OR51B5: variants seen among roughly 807,000 people sequenced by gnomAD.
The protein encoded by OR51B5 is olfactory receptor family 51 subfamily B member 5.
For synonymous variants in OR51B5, 186 were observed against 144.8 expected, an observed-to-expected ratio of 1.28 and a Z score of -2.04; for missense variants, 456 against 374.6, an observed-to-expected ratio of 1.22 and a Z score of -1.79.
chr11:5,450,083 G>A (rs1228670538), intron 1 of OR51B5, among the ~76,000 whole-genome samples: 2 of 152,070 alleles, frequency 1.3e-5, no homozygotes, highest in East Asian at 3.9e-4. Flanking sequence ...GGATCTCAGA[G>A]AATGTCCTTA....
At chr11:5,449,022 C>G (rs146900553) in intron 1 of OR51B5, among the ~76,000 whole-genome samples, 1,575 of 152,288 alleles carry the variant, frequency 0.01, 11 homozygotes, top group Non-Finnish European at 0.014. Context: ...AATTGATGGG[C>G]TTGGTCATCA....
intron 1 of OR51B5, among the ~76,000 whole-genome samples, chr11:5,369,323 G>A (rs1208481018): frequency 6.6e-6 from 1 of 152,076 alleles, no homozygotes; most frequent in Non-Finnish European, 1.5e-5. Flanking sequence ...ATTAATTAAA[G>A]TTATTATTAC....
intron 1 of OR51B5, chr11:5,389,570 C>G: frequency 5.0e-6 from 8 of 1,613,894 alleles, no homozygotes; most frequent in African/African-American, 1.3e-5. Flanking sequence ...TTGTTTCATT[C>G]TGATCATTAT....
chr11:5,371,542 A>T (rs57666779), intron 1 of OR51B5, among the ~76,000 whole-genome samples: 4,140 of 152,258 alleles, frequency 0.027, 174 homozygotes, highest in African/African-American at 0.093. Flanking sequence ...GGGTTACATA[A>T]GTTTTAAGAG....
At chr11:5,473,284 G>A (rs899940583) in intron 1 of OR51B5, among the ~76,000 whole-genome samples, 7 of 152,174 alleles carry the variant, frequency 4.6e-5, no homozygotes, top group Non-Finnish European at 7.4e-5. Context: ...AGTCTGAGGG[G>A]TGTTTGACTT....
rs1276221598 is a variant in OR51B5 at position 5,377,773 on chromosome 11, C to G, written n.85-30863G>C. Among the ~76,000 whole-genome samples, 23 of 139,830 alleles carry G rather than the reference C, an allele frequency of 1.6e-4. No individual in the cohort carries two copies. The East Asian group carries it at 4.3e-3, about 26-fold the overall frequency. The allele number at this position is 139,830 out of a possible 152,430, so 91.7% of individuals were successfully genotyped here. A position where few individuals can be genotyped will look rare whatever the true frequency, so the allele number is the denominator to read the frequency against. On this transcript the variant is annotated intron_variant and non_coding_transcript_variant, in intron 1 of 4. Coordinates refer to the OR51B5 transcript ENST00000415970. ...TTACAAGGGATGTGAAGGACCTCTT[C>G]AAGGAGAACTACAAACCACTGCTCA...
chr11:5,473,439 T>G (rs566033712), intron 1 of OR51B5, among the ~76,000 whole-genome samples: 9 of 152,210 alleles, frequency 5.9e-5, no homozygotes, highest in African/African-American at 1.7e-4. Flanking sequence ...TTTAAAGAGT[T>G]AGAAATTGTA....
At chr11:5,353,241 T>C (rs1430048731) in intron 1 of OR51B5, among the ~76,000 whole-genome samples, 1 of 152,140 alleles carries the variant, frequency 6.6e-6, no homozygotes, top group African/African-American at 2.4e-5. Flanking sequence ...AGTTAAAACT[T>C]TGGTTAACAT....
At chr11:5,363,565 C>G (rs911403712) in intron 1 of OR51B5, among the ~76,000 whole-genome samples, 2 of 151,906 alleles carry the variant, frequency 1.3e-5, no homozygotes, top group Admixed American at 1.3e-4. Flanking sequence ...GCACAGATAC[C>G]AAGTTTTTGA....
At position 5,453,940 on chromosome 11, in the gene OR51B5, G is replaced by A. The variant is rs16931292; in HGVS notation, n.84+51629C>T. ...GCAATGGGTTTAGGTGCAGCTGCTC[G>A]AAGCTTCATCACCCTTTTCCCTCTT... On this transcript the variant is annotated intron_variant and non_coding_transcript_variant, in intron 1 of 4. Coordinates refer to the OR51B5 transcript ENST00000415970. 4.2e-4 allele frequency: 680 copies of A among 1,614,076 alleles called. 1 individual carries two copies. In the African/African-American group the frequency reaches 6.4e-3, roughly 15 times the overall value.
intron 1 of OR51B5, among the ~76,000 whole-genome samples, chr11:5,349,562 T>A (rs1236419582): frequency 6.6e-6 from 1 of 152,172 alleles, no homozygotes; most frequent in African/African-American, 2.4e-5. Context: ...ACCAAAAAAA[T>A]TAAAGTTATT....
upstream of OR51B5, among the ~76,000 whole-genome samples, chr11:5,344,938 G>C (rs1211164329): frequency 1.3e-5 from 2 of 152,126 alleles, no homozygotes; most frequent in African/African-American, 2.4e-5. Context: ...CCTATGAGGA[G>C]GTCCCATTTG....
intron 1 of OR51B5, among the ~76,000 whole-genome samples, chr11:5,383,369 AAATGAGTGCAGG>A (rs1359601762): frequency 6.6e-6 from 1 of 152,206 alleles, no homozygotes; most frequent in African/African-American, 2.4e-5. Flanking sequence ...ATAGACAGGA[AAATGAGTGCAGG>A]AGTGAGAGAA....
intron 1 of OR51B5, among the ~76,000 whole-genome samples, chr11:5,360,464 T>C (rs1564920744): frequency 6.6e-6 from 1 of 150,906 alleles, no homozygotes; most frequent in Admixed American, 6.6e-5. Context: ...CCAGTTAGAA[T>C]GGCGATCATT....
At chr11:5,380,690 ATC>A (rs1589964648) in intron 1 of OR51B5, among the ~76,000 whole-genome samples, 1 of 152,194 alleles carries the variant, frequency 6.6e-6, no homozygotes. Flanking sequence ...AAGAAAACCT[ATC>A]TCTCTCCATC....
rs141375169 is a variant in OR51B5, at chr11:5,428,470, T to C, written n.84+77099A>G. Among the ~76,000 whole-genome samples, 11 of 152,346 alleles carry C rather than the reference T, an allele frequency of 7.2e-5. No individual in the cohort carries two copies. In the East Asian group the frequency reaches 2.1e-3, roughly 29 times the overall value. ...CAGATAGACTTGCTCAACATAGGGT[T>C]ATTACAAACCTTCAATTTGTAAAAA... On this transcript the variant is annotated intron_variant and non_coding_transcript_variant, in intron 1 of 4. Transcript: ENST00000415970.
upstream of OR51B5, among the ~76,000 whole-genome samples, chr11:5,344,186 C>T (rs1246083997): frequency 6.6e-6 from 1 of 152,146 alleles, no homozygotes; most frequent in African/African-American, 2.4e-5. Context: ...TCCTTCAGTA[C>T]TACTCACTAC....
At chr11:5,466,859 C>T (rs187113545) in intron 1 of OR51B5, among the ~76,000 whole-genome samples, 125 of 152,338 alleles carry the variant, frequency 8.2e-4, no homozygotes, top group African/African-American at 2.9e-3. Flanking sequence ...CCTTCTGTTC[C>T]AGCCCCAGAA....
At chr11:5,478,012 G>A (rs1358057606) in intron 1 of OR51B5, among the ~76,000 whole-genome samples, 2 of 151,918 alleles carry the variant, frequency 1.3e-5, no homozygotes, top group Non-Finnish European at 2.9e-5. Flanking sequence ...GCCCACCACA[G>A]CTCAAGGAGG....
Sources: allele counts gnomAD v4.1 joint callset (sites outside exome capture counted in the v4.1 genomes callset), GRCh38; gene constraint gnomAD v4.1.1; transcripts MANE v1.5; gene names NCBI Gene and HGNC (gene_info 2026-07-23, HGNC 2026-07-21).